The following PCDHGB5 variants were observed in gnomAD, a reference collection of about 807,000 sequenced individuals.
PCDHGB5 encodes protocadherin gamma-B5.
PCDHGB5 carries 48 observed loss-of-function variants against 62.9 expected under a neutral mutation model. The observed-to-expected ratio is 0.76, with a 90% confidence interval of 0.61 to 0.97. The LOEUF (loss-of-function observed/expected upper bound fraction) is 0.97. Among genes scored for constraint, PCDHGB5 ranks in the 50% least tolerant of loss-of-function variants. PCDHGB5 has a pLI of 0.00. For missense variants in PCDHGB5, 1,118 were observed against 1,198.6 expected (o/e 0.93, Z 0.99); for synonymous variants, 474 against 511.2 (o/e 0.93, Z 0.98).
intron 1 of PCDHGB5, chr5:141,409,727 G>A (rs1000014772): frequency 6.2e-7 from 1 of 1,613,158 alleles, no homozygotes; most frequent in South Asian, 1.1e-5. Context: ...GTCAGTGAGC[G>A]CGCAGAGCGG....
intron 1 of PCDHGB5, among the ~76,000 whole-genome samples, chr5:141,469,522 C>T (rs1409427974): frequency 2.6e-5 from 4 of 152,088 alleles, no homozygotes; most frequent in African/African-American, 9.7e-5. Flanking sequence ...TTGCAGTGAG[C>T]CAAGATTGTG....
Position 141,400,289 on chromosome 5 carries a change from G to A in PCDHGB5, c.2162G>A (p.Ser721Asn). ...LRRSSSPAAW[S>N]CFQPGLCVKS... ...CGCTCCTCCAGCCCTGCCGCCTGGA[G>A]CTGCTTCCAACCTGGTCTCTGTGTC... The change falls in exon 1 of 4, where the codon AGC becomes AAC. Residue 721 changes from serine (S) to asparagine (N), a missense_variant. Ser to Asn is a conservative substitution (Grantham distance 46, BLOSUM62 1). Around this residue, in one of 2 missense-constraint regions of PCDHGB5, gnomAD observed 1,034 missense variants for 1,029.1 expected, o/e 1.00. Coordinates refer to ENST00000617380, the MANE Select transcript of PCDHGB5 (RefSeq NM_018925.3). 6.2e-7 allele frequency: 1 copy of A among 1,614,074 alleles called. No homozygotes were observed. Among genetic ancestry groups the A allele is most frequent in the South Asian group, 1.1e-5 (1 of 91,086 alleles).
chr5:141,423,484 A>G, intron 1 of PCDHGB5: 1 of 1,613,722 alleles, frequency 6.2e-7, no homozygotes, highest in Non-Finnish European at 8.5e-7. Flanking sequence ...TTTCCTGCAA[A>G]CCTATTCCCA....
chr5:141,459,068 A>G (rs1278498678), intron 1 of PCDHGB5, among the ~76,000 whole-genome samples: 1 of 152,226 alleles, frequency 6.6e-6, no homozygotes, highest in African/African-American at 2.4e-5. Flanking sequence ...TATATAACAT[A>G]AAATTTGCCT....
intron 1 of PCDHGB5, chr5:141,412,214 A>G (rs1196919276): frequency 6.6e-6 from 1 of 152,196 alleles, no homozygotes; most frequent in African/African-American, 2.4e-5. Context: ...TGACATAAAC[A>G]CTTACTTGTT....
chr5:141,476,825 G>A lies in PCDHGB5; in HGVS notation c.2398-17982G>A. ...GCCTATTCACATCAAGGTGCTGGACGCGAATGACAATGCGCCTGTCTTCAA... is the reference window on the plus strand; with the variant it reads ...GCCTATTCACATCAAGGTGCTGGACACGAATGACAATGCGCCTGTCTTCAA... On this transcript the variant is annotated intron_variant, in intron 1 of 3. Transcript: ENST00000617380. The surrounding 1 kb of genome is among the most constrained non-coding windows in gnomAD (Gnocchi z 7.6). 6.2e-7 allele frequency: 1 copy of A among 1,613,554 alleles called. No individual in the cohort carries two copies. Among genetic ancestry groups the A allele is most frequent in the East Asian group, 2.2e-5 (1 of 44,870 alleles).
chr5:141,498,146 G>A (rs924380243), intron 2 of PCDHGB5, among the ~76,000 whole-genome samples: 1 of 152,200 alleles, frequency 6.6e-6, no homozygotes, highest in Non-Finnish European at 1.5e-5. Context: ...GGACATCCTG[G>A]AAATGAAGTT....
At chr5:141,495,492 G>C (rs1321150765) in intron 2 of PCDHGB5, among the ~76,000 whole-genome samples, 1 of 152,148 alleles carries the variant, frequency 6.6e-6, no homozygotes, top group Non-Finnish European at 1.5e-5. Flanking sequence ...CCTTTTTCTT[G>C]AGTTTCCGTC....
intron 1 of PCDHGB5, among the ~76,000 whole-genome samples, chr5:141,402,737 G>T (rs948478466): frequency 3.9e-5 from 6 of 152,276 alleles, no homozygotes; most frequent in East Asian, 1.9e-4. Context: ...CGCCGCTGTT[G>T]ATCAACTCTA....
chr5:141,506,516 G>A (rs2099854579), intron 3 of PCDHGB5, among the ~76,000 whole-genome samples: 1 of 151,324 alleles, frequency 6.6e-6, no homozygotes, highest in Non-Finnish European at 1.5e-5. Flanking sequence ...CTGGCACCTG[G>A]CACCACCACT....
At chr5:141,406,267 G>A (rs2094786630) in intron 1 of PCDHGB5, among the ~76,000 whole-genome samples, 1 of 151,854 alleles carries the variant, frequency 6.6e-6, no homozygotes, top group African/African-American at 2.4e-5. Context: ...CGATCTTCCT[G>A]CTTCAGTTTC....
chr5:141,413,803 G>A (rs1331029473), intron 1 of PCDHGB5: 3 of 1,613,142 alleles, frequency 1.9e-6, no homozygotes, highest in Non-Finnish European at 1.7e-6. Flanking sequence ...CGAGGAAGAG[G>A]CCATTCACCA....
chr5:141,407,868 A>AAT (rs1474357780), intron 1 of PCDHGB5, among the ~76,000 whole-genome samples: 1 of 152,242 alleles, frequency 6.6e-6, no homozygotes, highest in Admixed American at 6.5e-5. Context: ...ATTTTCGAAG[A>AAT]ATATATACAT....
intron 1 of PCDHGB5, chr5:141,423,820 C>T: frequency 7.9e-7 from 1 of 1,272,642 alleles, no homozygotes. Context: ...TTTTACTTTG[C>T]CTTTCATGAG....
intron 1 of PCDHGB5, chr5:141,415,216 A>C: frequency 6.2e-7 from 1 of 1,614,086 alleles, no homozygotes; most frequent in African/African-American, 1.3e-5. Flanking sequence ...GGACCTCGGC[A>C]GCTTCGAGTC....
rs1036223789 is a variant in PCDHGB5, at chr5:141,511,298, G to A, written c.*125G>A. On this transcript the variant is annotated 3_prime_UTR_variant, in exon 4 of 4. Transcript: ENST00000617380. ...GAATACTGGTAGGGGCCAAGGCCAT[G>A]CTCCCCTTGGGAAACAGAAACAAGT... The A allele has an allele frequency of 4.7e-6, 7 of 1,502,412 alleles. No individual in the cohort carries two copies. In the African/African-American group the frequency reaches 8.4e-5, roughly 18 times the overall value. The allele number at this position is 1,502,412 out of a possible 1,614,324, so 93.1% of individuals were successfully genotyped here. A position where few individuals can be genotyped will look rare whatever the true frequency, so the allele number is the denominator to read the frequency against.
intron 2 of PCDHGB5, among the ~76,000 whole-genome samples, chr5:141,495,968 CTGTTACTCTTTCTT>C (rs1033811907): frequency 6.6e-6 from 1 of 152,126 alleles, no homozygotes; most frequent in African/African-American, 2.4e-5. Context: ...GCCTCTTTCT[CTGTTACTCTTTCTT>C]TATCTCTCTT....
At position 141,487,385 on chromosome 5, in the gene PCDHGB5, CGAA is replaced by C; in HGVS notation, c.2398-7420_2398-7418del. 6.2e-7 allele frequency: 1 copy of C among 1,614,160 alleles called. No individual in the cohort carries two copies. The highest frequency in any genetic ancestry group is 8.5e-7 in the Non-Finnish European group (1 of 1,180,046). On this transcript the variant is annotated intron_variant, in intron 1 of 3. Coordinates refer to ENST00000617380, the MANE Select transcript of PCDHGB5 (RefSeq NM_018925.3). The surrounding 1 kb of genome is among the most constrained non-coding windows in gnomAD (Gnocchi z 5.0). ...CACCTGTGCCTGTCTCACCAGATCTCGAAGGAGGGAGGGGCTTCCCCCTTCCAA... is the reference window on the plus strand; with the variant it reads ...CACCTGTGCCTGTCTCACCAGATCTCGGAGGGAGGGGCTTCCCCCTTCCAA...
In PCDHGB5 at chr5:141,491,764, C is replaced by T; in HGVS notation, c.2398-3043C>T. The stretch of plus-strand genomic sequence containing the variant: ...CGGCACTGGAGAAGCCGCCCGTCCT[C>T]ATAAGGGATTGAACTTGCATCCACT... On this transcript the variant is annotated intron_variant, in intron 1 of 3. Transcript: ENST00000617380. The surrounding 1 kb of genome is among the most constrained non-coding windows in gnomAD (Gnocchi z 6.9). The T allele has an allele frequency of 6.4e-7, 1 of 1,570,206 alleles. No homozygotes were observed. Among genetic ancestry groups the T allele is most frequent in the Non-Finnish European group, 8.6e-7 (1 of 1,159,296 alleles).
Sources: allele counts gnomAD v4.1 joint callset (sites outside exome capture counted in the v4.1 genomes callset), GRCh38; gene constraint gnomAD v4.1.1; regional missense constraint gnomAD v4.1.1; non-coding constraint Gnocchi (gnomAD v3.1); transcripts MANE v1.5; gene names NCBI Gene and HGNC (gene_info 2026-07-23, HGNC 2026-07-21).